The following TMEM106B variants were observed in gnomAD, a reference collection of about 807,000 sequenced individuals.
The protein encoded by TMEM106B is transmembrane protein 106B.
Under a neutral mutation model 31.1 loss-of-function variants are expected in TMEM106B, and 15 were observed. The ratio of observed to expected loss-of-function variants is 0.48; its 90% CI spans 0.32 to 0.74. TMEM106B has a LOEUF of 0.74. TMEM106B is among the 30% of genes least tolerant of loss of function. The pLI, the probability that TMEM106B is intolerant of heterozygous loss-of-function variation, is 0.03. For synonymous variants in TMEM106B, 126 were observed against 112.5 expected, an observed-to-expected ratio of 1.12 and a Z score of -0.76; for missense variants, 283 against 327.3, an observed-to-expected ratio of 0.86 and a Z score of 1.04.
chr7:12,227,733 G>C (rs1474802331), intron 4 of TMEM106B, among the ~76,000 whole-genome samples: 1 of 130,480 alleles, frequency 7.7e-6, no homozygotes, highest in Non-Finnish European at 1.7e-5. Context: ...TAGGGTCTTT[G>C]TTAACAATTA....
intron 4 of TMEM106B, among the ~76,000 whole-genome samples, chr7:12,226,170 T>C (rs565968954): frequency 7.2e-5 from 11 of 152,268 alleles, no homozygotes; most frequent in African/African-American, 2.4e-4. Context: ...TTGTCAAAGA[T>C]CAGATGGTTG....
rs1041792758 is a variant in TMEM106B, at chr7:12,240,029, A to G, written c.*8054A>G. The G allele has an allele frequency of 1.0e-4, 15 of 143,252 alleles. No homozygotes were observed. Among genetic ancestry groups the G allele is most frequent in the African/African-American group, 3.9e-4 (15 of 38,150 alleles). The allele number at this position is 143,252 out of a possible 1,614,324, so 8.9% of individuals were successfully genotyped here. On this transcript the variant is annotated 3_prime_UTR_variant, in exon 8 of 8. Coordinates refer to ENST00000396668, the MANE Select transcript of TMEM106B (RefSeq NM_001134232.2). ...AATAAGGTGATGCACAATAAAAGGA[A>G]GTATATCTGCACTTCCTTCTTTTTT...
intron 3 of TMEM106B, among the ~76,000 whole-genome samples, chr7:12,219,574 T>C (rs1341198012): frequency 6.6e-6 from 1 of 152,086 alleles, no homozygotes; most frequent in African/African-American, 2.4e-5. Context: ...AACTTAATAC[T>C]ATAAAAGCTA....
At chr7:12,223,160 G>T (rs1201297706) in intron 3 of TMEM106B, among the ~76,000 whole-genome samples, 6 of 152,168 alleles carry the variant, frequency 3.9e-5, no homozygotes, top group African/African-American at 1.4e-4. Flanking sequence ...ATTTTTCCTT[G>T]TCTTATACCT....
Position 12,232,648 on chromosome 7 carries a change from T to C in TMEM106B, c.*673T>C, listed in dbSNP as rs1044583641. The C allele has an allele frequency of 6.6e-6, 1 of 152,376 alleles. No individual in the cohort carries two copies. Among genetic ancestry groups the C allele is most frequent in the Non-Finnish European group, 1.5e-5 (1 of 67,822 alleles). 9.4% of individuals were successfully genotyped at this position (152,376 alleles called of 1,614,324 possible). ...TTCACACATCTTTCTGTATTAGTTA[T>C]AGTTTTGTGAAATCTTTGTGTGATC... On this transcript the variant is annotated 3_prime_UTR_variant, in exon 8 of 8. Transcript: ENST00000396668.
In TMEM106B at chr7:12,238,826, G is replaced by A. The variant is rs1247150487; in HGVS notation, c.*6851G>A. On this transcript the variant is annotated 3_prime_UTR_variant, in exon 8 of 8. Coordinates refer to ENST00000396668, the MANE Select transcript of TMEM106B (RefSeq NM_001134232.2). ...TCAGTGAACCGTGTTGTAAACAGAT[G>A]TCATATTATCCAGACTGTTCCATTT... The A allele has an allele frequency of 6.6e-6, 1 of 152,102 alleles. No homozygotes were observed. Among genetic ancestry groups the A allele is most frequent in the Admixed American group, 6.6e-5 (1 of 15,264 alleles). The allele number at this position is 152,102 out of a possible 1,614,324, so 9.4% of individuals were successfully genotyped here.
rs1008262436 is a variant in TMEM106B, at chr7:12,238,235, A to T, written c.*6260A>T. 5.9e-6 allele frequency: 1 copy of T among 169,184 alleles called. No homozygotes were observed. The highest frequency in any genetic ancestry group is 2.4e-5 in the African/African-American group (1 of 41,732). The allele number at this position is 169,184 out of a possible 1,614,324, so 10.5% of individuals were successfully genotyped here. A position where few individuals can be genotyped will look rare whatever the true frequency, so the allele number is the denominator to read the frequency against. ...ACCAGGAGTAGATTCCAACTCAAGAAACCACTTTCTTAGCTCATTCATAAG... is the reference window on the plus strand; with the variant it reads ...ACCAGGAGTAGATTCCAACTCAAGATACCACTTTCTTAGCTCATTCATAAG... On this transcript the variant is annotated 3_prime_UTR_variant, in exon 8 of 8. Coordinates refer to ENST00000396668, the MANE Select transcript of TMEM106B (RefSeq NM_001134232.2).
intron 4 of TMEM106B, among the ~76,000 whole-genome samples, chr7:12,229,213 G>C (rs1033286596): frequency 6.6e-6 from 1 of 152,074 alleles, no homozygotes; most frequent in Non-Finnish European, 1.5e-5. Flanking sequence ...CCAGCTATTA[G>C]TTGTTACTTA....
rs1024199245 is a variant in TMEM106B, at chr7:12,237,710, C to G, written c.*5735C>G. On this transcript the variant is annotated 3_prime_UTR_variant, in exon 8 of 8. Transcript: ENST00000396668. ...AATAGGCTGTGTGCAGTGGCTCACA[C>G]CTGTAATCCCAGCACTTTCGGAGGC... 1 of 151,940 alleles carries G rather than the reference C, an allele frequency of 6.6e-6. No homozygotes were observed. The highest frequency in any genetic ancestry group is 2.4e-5 in the African/African-American group (1 of 41,322). 9.4% of individuals were successfully genotyped at this position (151,940 alleles called of 1,614,324 possible). A position where few individuals can be genotyped will look rare whatever the true frequency, so the allele number is the denominator to read the frequency against.
intron 2 of TMEM106B, chr7:12,215,535 C>T: frequency 4.6e-6 from 1 of 219,740 alleles, no homozygotes; most frequent in South Asian, 6.8e-5. Context: ...CCATGCCCAG[C>T]CAGAGTTAAT....
Position 12,243,038 on chromosome 7 carries a change from TAAC to T in TMEM106B, c.*11065_*11067del, listed in dbSNP as rs962940311. 9 of 152,138 alleles carry T rather than the reference TAAC, an allele frequency of 5.9e-5. No homozygotes were observed. Among genetic ancestry groups the T allele is most frequent in the African/African-American group, 2.2e-4 (9 of 41,452 alleles). The allele number at this position is 152,138 out of a possible 1,614,324, so 9.4% of individuals were successfully genotyped here. ...ATTTGTTCTTGAAAAGAACTTCGTA[TAAC>T]ATCATTAGATTTTTACAGAATCTTT... is the stretch of plus-strand genomic sequence containing the variant. On this transcript the variant is annotated 3_prime_UTR_variant, in exon 8 of 8. Transcript: ENST00000396668.
chr7:12,214,060 T>C lies in TMEM106B; in HGVS notation c.-2-749T>C, dbSNP rs561860766. 7 of 152,248 alleles carry C rather than the reference T, an allele frequency of 4.6e-5. No individual in the cohort carries two copies. The East Asian group carries it at 1.4e-3, about 29-fold the overall frequency. 9.4% of individuals were successfully genotyped at this position (152,248 alleles called of 1,614,324 possible). A position where few individuals can be genotyped will look rare whatever the true frequency, so the allele number is the denominator to read the frequency against. On this transcript the variant is annotated intron_variant, in intron 1 of 7. Transcript: ENST00000396668. ...ATATCAAATCCCAACCTGACTCTAA[T>C]ATAGAATCACTCGACAGATAGCAGG...
chr7:12,224,173 T>C (rs11509137), intron 3 of TMEM106B, 53 bp from the exon 4 acceptor site: 682,796 of 1,511,644 alleles, frequency 0.45, 160,816 homozygotes, highest in African/African-American at 0.66. Flanking sequence ...TCTAATGTTG[T>C]GTTATATAAT....
chr7:12,227,486 A>G (rs1781923420), intron 4 of TMEM106B, among the ~76,000 whole-genome samples: 1 of 152,078 alleles, frequency 6.6e-6, no homozygotes, highest in Admixed American at 6.5e-5. Context: ...ATTCACATAT[A>G]TACAAATGCA....
chr7:12,212,136 G>C (rs1191260560), intron 1 of TMEM106B, among the ~76,000 whole-genome samples: 1 of 152,190 alleles, frequency 6.6e-6, no homozygotes, highest in Admixed American at 6.5e-5. Context: ...CCCTAAAGCA[G>C]AATCGATCAT....
At chr7:12,224,914 G>A (rs183345863) in intron 4 of TMEM106B, among the ~76,000 whole-genome samples, 20 of 151,546 alleles carry the variant, frequency 1.3e-4, no homozygotes, top group African/African-American at 3.4e-4. Context: ...CATGTGCACA[G>A]CATGCAGGTT....
intron 6 of TMEM106B, 98 bp downstream of exon 6, chr7:12,230,536 C>T (rs1352710132): frequency 2.5e-6 from 2 of 788,360 alleles, no homozygotes; most frequent in Non-Finnish European, 4.0e-6. Context: ...CGTTATCAGT[C>T]AAAAAGAGTA....
Position 12,232,181 on chromosome 7 carries a change from G to T in TMEM106B, c.*206G>T. 2.6e-6 allele frequency: 1 copy of T among 382,418 alleles called. No individual in the cohort carries two copies. 23.7% of individuals were successfully genotyped at this position (382,418 alleles called of 1,614,324 possible). ...ATATTTGTACTAGGATCTTTTACTT[G>T]AATCTAAATTTACTGGTTGATTTCC... On this transcript the variant is annotated 3_prime_UTR_variant, in exon 8 of 8. Coordinates refer to ENST00000396668, the MANE Select transcript of TMEM106B (RefSeq NM_001134232.2).
In TMEM106B at chr7:12,235,089, C is replaced by CT. The variant is rs1198021998; in HGVS notation, c.*3115dup. 2 of 152,246 alleles carry CT rather than the reference C, an allele frequency of 1.3e-5. No homozygotes were observed. Among genetic ancestry groups the CT allele is most frequent in the Non-Finnish European group, 2.9e-5 (2 of 67,806 alleles). 9.4% of individuals were successfully genotyped at this position (152,246 alleles called of 1,614,324 possible). A position where few individuals can be genotyped will look rare whatever the true frequency, so the allele number is the denominator to read the frequency against. ...AGTTAGTAGTGACAAACTAATACTG[C>CT]TGGACTAAGATTTTGGTAGCATTGT... On this transcript the variant is annotated 3_prime_UTR_variant, in exon 8 of 8. Coordinates refer to ENST00000396668, the MANE Select transcript of TMEM106B (RefSeq NM_001134232.2).
Sources: gnomAD v4.1 joint callset for allele counts (sites outside exome capture counted in the v4.1 genomes callset) on GRCh38, gnomAD v4.1.1 for gene constraint, MANE v1.5 for transcripts, NCBI Gene and HGNC (gene_info 2026-07-23, HGNC 2026-07-21) for gene names.